The following CTNNA2 variants were observed in gnomAD, a reference collection of about 807,000 sequenced individuals.
CTNNA2 encodes the protein catenin alpha 2, also known as catenin alpha-2.
A neutral mutation model predicts 101.0 loss-of-function variants in CTNNA2; 42 were observed. The ratio of observed to expected loss-of-function variants is 0.42; its 90% CI spans 0.32 to 0.54. The LOEUF (loss-of-function observed/expected upper bound fraction) is 0.54, where lower values mean the gene tolerates loss of function less well. Among genes scored for constraint, CTNNA2 ranks in the 20% least tolerant of loss-of-function variants. The pLI is 0.14. For synonymous variants in CTNNA2, 450 were observed against 456.4 expected (o/e 0.99, Z 0.18); for missense variants, 871 against 1,223.1 (o/e 0.71, Z 4.29).
At chr2:80,208,652 G>C (rs117838540) in intron 7 of CTNNA2, among the ~76,000 whole-genome samples, 1 of 152,048 alleles carries the variant, frequency 6.6e-6, no homozygotes, top group Non-Finnish European at 1.5e-5. Context: ...GAGACCTCGC[G>C]TACCATCCCT....
intron 2 of CTNNA2, among the ~76,000 whole-genome samples, chr2:79,664,705 CTTTTTTTTTTTTT>C (rs67782114): frequency 0.035 from 3,306 of 95,130 alleles, 69 homozygotes; most frequent in Admixed American, 0.053. Context: ...TCACATTCTT[CTTTTTTTTTTTTT>C]TTTTTTTTTT....
chr2:79,301,290 C>T (rs1198929289), intron 2 of CTNNA2, among the ~76,000 whole-genome samples: 1 of 152,264 alleles, frequency 6.6e-6, no homozygotes, highest in East Asian at 1.9e-4. Context: ...ATTAAATTTG[C>T]CACCCCTGGC....
At chr2:79,799,986 CT>C (rs1302234219) in intron 3 of CTNNA2, among the ~76,000 whole-genome samples, 1 of 152,120 alleles carries the variant, frequency 6.6e-6, no homozygotes, top group Non-Finnish European at 1.5e-5. Context: ...ATCACATGAT[CT>C]GAAAGGCCAA....
At chr2:79,558,305 CTAT>C (rs1202229615) in intron 1 of CTNNA2, among the ~76,000 whole-genome samples, 3 of 152,048 alleles carry the variant, frequency 2.0e-5, no homozygotes, top group East Asian at 3.9e-4. Flanking sequence ...ATTTAATCAG[CTAT>C]TATTTTATAT....
intron 2 of CTNNA2, among the ~76,000 whole-genome samples, chr2:79,236,581 C>A (rs1393497699): frequency 6.6e-6 from 1 of 152,188 alleles, no homozygotes; most frequent in Non-Finnish European, 1.5e-5. Context: ...GCATTCAATG[C>A]TGTCTGATAG....
rs1035958977 is a variant in CTNNA2, at chr2:79,774,527, G to A, written c.298+29945G>A. Among the ~76,000 whole-genome samples the A allele has an allele frequency of 5.3e-5, 8 of 152,252 alleles. No homozygotes were observed. The South Asian group carries it at 1.5e-3, about 28-fold the overall frequency. On this transcript the variant is annotated intron_variant, in intron 3 of 18. Transcript: ENST00000402739. Reference sequence around the variant, plus strand: ...CTCTTCTAGACACTCTGGGCCAGGAGTGGAGTCACACAGGAAAATGAGAGC... The same window carrying A: ...CTCTTCTAGACACTCTGGGCCAGGAATGGAGTCACACAGGAAAATGAGAGC...
At chr2:80,542,879 C>T (rs3979283) in intron 9 of CTNNA2, among the ~76,000 whole-genome samples, 1,569 of 36,520 alleles carry the variant, frequency 0.043, 24 homozygotes, top group African/African-American at 0.16. Context: ...CTGATTTTTT[C>T]CCCCCCCCAC....
At chr2:80,622,805 C>T (rs953302609) in intron 18 of CTNNA2, among the ~76,000 whole-genome samples, 5 of 151,756 alleles carry the variant, frequency 3.3e-5, no homozygotes, top group South Asian at 2.1e-4. Context: ...TGGAATTCCA[C>T]GATTAGAACT....
chr2:79,221,206 T>C (rs1475322718), intron 2 of CTNNA2, among the ~76,000 whole-genome samples: 3 of 152,216 alleles, frequency 2.0e-5, no homozygotes, highest in African/African-American at 4.8e-5. Flanking sequence ...TGGAATGCAG[T>C]GGCACAAACA....
At chr2:80,361,109 C>T (rs1305670534) in intron 7 of CTNNA2, among the ~76,000 whole-genome samples, 1 of 151,978 alleles carries the variant, frequency 6.6e-6, no homozygotes, top group Non-Finnish European at 1.5e-5. Flanking sequence ...CCATTAAGAG[C>T]TGTGTAATAC....
At position 79,814,325 on chromosome 2, in the gene CTNNA2, G is replaced by A. The variant is rs1476969110; in HGVS notation, c.299-43688G>A. 2.0e-5 allele frequency among the ~76,000 whole-genome samples: 3 copies of A among 151,966 alleles called. No homozygotes were observed. In the East Asian group the frequency reaches 5.8e-4, roughly 29 times the overall value. ...TAGTGGTGATTTGTGAGATTTTGGT[G>A]CACCCTGCACCTATCACCCAAGCAA... On this transcript the variant is annotated intron_variant, in intron 3 of 18. Coordinates refer to ENST00000402739, the MANE Select transcript of CTNNA2 (RefSeq NM_001282597.3).
chr2:79,935,230 GT>G (rs1173892228), intron 7 of CTNNA2, among the ~76,000 whole-genome samples: 2 of 152,054 alleles, frequency 1.3e-5, no homozygotes, highest in Non-Finnish European at 2.9e-5. Flanking sequence ...TATTGTCTTT[GT>G]TTTATAGATG....
At chr2:80,622,021 G>A (rs1181115548) in intron 18 of CTNNA2, among the ~76,000 whole-genome samples, 1 of 151,912 alleles carries the variant, frequency 6.6e-6, no homozygotes, top group Non-Finnish European at 1.5e-5. Context: ...CAAGACCACA[G>A]AATTGTAAAT....
intron 9 of CTNNA2, among the ~76,000 whole-genome samples, chr2:80,543,987 A>T (rs566886619): frequency 6.6e-6 from 1 of 152,116 alleles, no homozygotes; most frequent in East Asian, 1.9e-4. Flanking sequence ...GCCTGATGGG[A>T]CTGATTGGTC....
intron 7 of CTNNA2, among the ~76,000 whole-genome samples, chr2:80,126,643 C>T (rs1447664537): frequency 6.6e-5 from 7 of 106,542 alleles, no homozygotes; most frequent in African/African-American, 2.6e-4. Flanking sequence ...TCCCTTCCTT[C>T]CTTCCTTCCT....
chr2:80,192,930 G>A (rs556183350), intron 7 of CTNNA2, among the ~76,000 whole-genome samples: 268 of 151,352 alleles, frequency 1.8e-3, no homozygotes, highest in African/African-American at 6.1e-3. Flanking sequence ...ACTATGATGC[G>A]TATTTTGGGA....
chr2:80,285,052 CT>C (rs200385983), intron 7 of CTNNA2, among the ~76,000 whole-genome samples: 10 of 151,286 alleles, frequency 6.6e-5, no homozygotes, highest in East Asian at 1.9e-4. Flanking sequence ...ACATCACTTT[CT>C]TTTTTTTTCT....
intron 9 of CTNNA2, among the ~76,000 whole-genome samples, chr2:80,519,529 A>G (rs557023571): frequency 2.6e-5 from 4 of 152,346 alleles, no homozygotes; most frequent in African/African-American, 9.6e-5. Context: ...TATTGCATAA[A>G]TATTGGCAAC....
At chr2:80,433,425 A>G (rs144346258) in intron 9 of CTNNA2, among the ~76,000 whole-genome samples, 147 of 152,236 alleles carry the variant, frequency 9.7e-4, no homozygotes, top group African/African-American at 3.1e-3. Flanking sequence ...TAATGGGGCA[A>G]TAAGGAATTA....
Sources: gnomAD v4.1 joint callset for allele counts (sites outside exome capture counted in the v4.1 genomes callset) on GRCh38, gnomAD v4.1.1 for gene constraint, MANE v1.5 for transcripts, NCBI Gene and HGNC (gene_info 2026-07-23, HGNC 2026-07-21) for gene names.